Variants in ARHGAP17 observed in about 807,000 individuals in gnomAD.
ARHGAP17 encodes the protein Rho GTPase activating protein 17.
Under a neutral mutation model 99.5 loss-of-function variants are expected in ARHGAP17, and 57 were observed. That is an observed-to-expected ratio of 0.57 (90% CI 0.46 to 0.71). The LOEUF is 0.71. Ranked by LOEUF, ARHGAP17 falls within the 30% of genes least tolerant of loss-of-function variation. The probability of loss-of-function intolerance (pLI) is 0.00; values close to 1 mark genes in which losing one functional copy is unlikely to be tolerated. For missense variants in ARHGAP17, 1,000 were observed against 1,122.4 expected (o/e 0.89, Z 1.56); for synonymous variants, 417 against 429.6 (o/e 0.97, Z 0.36).
chr16:25,003,431 C>T (rs1309442566), intron 1 of ARHGAP17, among the ~76,000 whole-genome samples: 2 of 151,950 alleles, frequency 1.3e-5, no homozygotes, highest in African/African-American at 4.8e-5. Flanking sequence ...AACAGGATTT[C>T]GCCGTGTTGG....
intron 6 of ARHGAP17, among the ~76,000 whole-genome samples, chr16:24,967,778 CAAAAAAAAAA>C (rs940394750): frequency 1.7e-5 from 1 of 59,418 alleles, no homozygotes; most frequent in Non-Finnish European, 3.6e-5. Context: ...GACCTTGACT[CAAAAAAAAAA>C]AAAAAAAAAG....
intron 1 of ARHGAP17, among the ~76,000 whole-genome samples, chr16:24,989,114 AG>A (rs1263450745): frequency 2.6e-5 from 4 of 152,222 alleles, no homozygotes; most frequent in Non-Finnish European, 5.9e-5. Flanking sequence ...CCACACAAAA[AG>A]TCTAAAGCAA....
intron 19 of ARHGAP17, chr16:24,930,545 C>A (rs998292307): frequency 6.6e-6 from 5 of 760,720 alleles, no homozygotes; most frequent in Non-Finnish European, 9.1e-6. Context: ...GATCTTTGGT[C>A]ACGACTACCC....
intron 1 of ARHGAP17, among the ~76,000 whole-genome samples, chr16:25,006,269 T>C (rs6497770): frequency 0.8 from 121,404 of 150,862 alleles, 49,328 homozygotes; most frequent in African/African-American, 0.89. Context: ...GGTGAAACTC[T>C]GTCTCTACTA....
At chr16:25,006,129 G>C (rs11859142) in intron 1 of ARHGAP17, among the ~76,000 whole-genome samples, 6,041 of 152,060 alleles carry the variant, frequency 0.04, 340 homozygotes, top group African/African-American at 0.12. Flanking sequence ...AAAGCCAACT[G>C]GAAGACAAAT....
At chr16:24,939,259 A>G in intron 17 of ARHGAP17, 105 bp downstream of exon 17, 19 of 1,055,430 alleles carry the variant, frequency 1.8e-5, no homozygotes, top group Non-Finnish European at 2.3e-5. Context: ...TGTTCACTCC[A>G]TGCTGGAGCA....
At chr16:24,983,943 T>TAG (rs1331565857) in intron 1 of ARHGAP17, among the ~76,000 whole-genome samples, 2 of 152,174 alleles carry the variant, frequency 1.3e-5, no homozygotes, top group Non-Finnish European at 2.9e-5. Flanking sequence ...TAGTGCCACT[T>TAG]TCCCTTGACC....
At chr16:24,943,063 G>T (rs2051362525) in intron 15 of ARHGAP17, among the ~76,000 whole-genome samples, 1 of 152,160 alleles carries the variant, frequency 6.6e-6, no homozygotes. Flanking sequence ...GGGTTGCTCT[G>T]GGGGAAGTAG....
intron 1 of ARHGAP17, among the ~76,000 whole-genome samples, chr16:24,989,801 CA>C (rs141105381): frequency 4.0e-5 from 6 of 151,088 alleles, no homozygotes; most frequent in East Asian, 1.9e-4. Context: ...ATGTGGGAGC[CA>C]AAAAAAATAA....
At chr16:24,967,336 A>G (rs2052217768) in intron 6 of ARHGAP17, among the ~76,000 whole-genome samples, 1 of 152,260 alleles carries the variant, frequency 6.6e-6, no homozygotes, top group African/African-American at 2.4e-5. Context: ...AGCAGAGTTA[A>G]GCAGTTACAA....
intron 1 of ARHGAP17, among the ~76,000 whole-genome samples, chr16:24,981,027 AGAG>A (rs1285526851): frequency 1.3e-5 from 2 of 152,266 alleles, no homozygotes; most frequent in Non-Finnish European, 2.9e-5. Context: ...TAACAGAAGA[AGAG>A]AAGAACTTGC....
chr16:24,991,066 T>C (rs2053026986), intron 1 of ARHGAP17, among the ~76,000 whole-genome samples: 1 of 152,146 alleles, frequency 6.6e-6, no homozygotes, highest in South Asian at 2.1e-4. Flanking sequence ...GATACCCAAT[T>C]CTAAGTTTCA....
intron 17 of ARHGAP17, chr16:24,936,387 A>G (rs1456850618): frequency 5.2e-5 from 8 of 152,960 alleles, no homozygotes; most frequent in Non-Finnish European, 1.0e-4. Context: ...ATGTACATAA[A>G]AATACCTACA....
At chr16:24,934,310 A>G (rs1157125894) in intron 18 of ARHGAP17, among the ~76,000 whole-genome samples, 4 of 150,740 alleles carry the variant, frequency 2.7e-5, no homozygotes, top group African/African-American at 9.8e-5. Flanking sequence ...ACAGGCGTGC[A>G]AGCACCATGC....
chr16:24,970,664 T>G, intron 3 of ARHGAP17, 84 bp from the exon 4 acceptor site: 1 of 1,332,060 alleles, frequency 7.5e-7, no homozygotes, highest in Non-Finnish European at 1.1e-6. Context: ...ATTCATTAAT[T>G]TCTCCCTCCA....
chr16:24,945,043 A>C (rs928168461), intron 14 of ARHGAP17, among the ~76,000 whole-genome samples: 2 of 151,430 alleles, frequency 1.3e-5, no homozygotes, highest in Non-Finnish European at 2.9e-5. Context: ...AAAAAGAAGA[A>C]AATAAGTAGG....
intron 6 of ARHGAP17, among the ~76,000 whole-genome samples, chr16:24,966,906 T>C (rs1225365863): frequency 1.3e-5 from 2 of 152,148 alleles, no homozygotes; most frequent in Non-Finnish European, 1.5e-5. Context: ...GTAAAACAAG[T>C]CTCCTCTCAA....
intron 14 of ARHGAP17, 44 bp downstream of exon 14, chr16:24,947,438 G>C: frequency 6.8e-7 from 1 of 1,478,226 alleles, no homozygotes; most frequent in Non-Finnish European, 9.4e-7. Context: ...ATCCCATCAG[G>C]TGGGAAAGAA....
In ARHGAP17 at chr16:24,968,359, G is replaced by C. The variant is rs1405498737; in HGVS notation, c.453C>G (p.Val151=). Residue 151 remains valine, a synonymous_variant, in exon 6 of 20, where the codon GTC becomes GTG. Coordinates refer to ENST00000289968, the MANE Select transcript of ARHGAP17 (RefSeq NM_001006634.3). ...CTGGCTCAAGCTGTTACCTGGCTCTGACTGAATCCCAGTCTAACACCAATC... is the reference window on the plus strand; with the variant it reads ...CTGGCTCAAGCTGTTACCTGGCTCTCACTGAATCCCAGTCTAACACCAATC... ...LARLVLDWDS[V]RARWNQAHKS... The C allele has an allele frequency of 2.5e-6, 4 of 1,614,080 alleles. No homozygotes were observed. The highest frequency in any genetic ancestry group is 3.4e-6 in the Non-Finnish European group (4 of 1,180,046).
Sources: gnomAD v4.1 joint callset for allele counts (sites outside exome capture counted in the v4.1 genomes callset) on GRCh38, gnomAD v4.1.1 for gene constraint, MANE v1.5 for transcripts, NCBI Gene and HGNC (gene_info 2026-07-23, HGNC 2026-07-21) for gene names.